Variants in GAS2 observed in about 807,000 individuals in gnomAD.
GAS2 encodes growth arrest-specific protein 2.
A neutral mutation model predicts 37.5 loss-of-function variants in GAS2; 20 were observed. That is an observed-to-expected ratio of 0.53 (90% confidence interval 0.37 to 0.77). The LOEUF is 0.77. GAS2 is among the 30% of genes least tolerant of loss of function. The probability of loss-of-function intolerance (pLI) is 0.00; values close to 1 mark genes in which losing one functional copy is unlikely to be tolerated. For missense variants in GAS2, 336 were observed against 373.4 expected, an observed-to-expected ratio of 0.90 and a Z score of 0.82; for synonymous variants, 144 against 132.2, an observed-to-expected ratio of 1.09 and a Z score of -0.61.
At chr11:22,769,087 G>T (rs930657737) in intron 7 of GAS2, among the ~76,000 whole-genome samples, 1 of 152,140 alleles carries the variant, frequency 6.6e-6, no homozygotes, top group Non-Finnish European at 1.5e-5. Context: ...AACTCATATG[G>T]CAGACAGTTT....
At chr11:22,653,312 T>C (rs1848818449) in intron 1 of GAS2, among the ~76,000 whole-genome samples, 1 of 152,180 alleles carries the variant, frequency 6.6e-6, no homozygotes, top group South Asian at 2.1e-4. Flanking sequence ...ACAAGAACTG[T>C]GCCTCAGGCA....
intron 7 of GAS2, among the ~76,000 whole-genome samples, chr11:22,772,521 G>A (rs911752399): frequency 5.9e-5 from 9 of 152,088 alleles, no homozygotes; most frequent in African/African-American, 2.2e-4. Flanking sequence ...AAAACCCTAG[G>A]AATAATTCTT....
At chr11:22,792,949 A>T (rs918351488) in intron 7 of GAS2, among the ~76,000 whole-genome samples, 3 of 152,188 alleles carry the variant, frequency 2.0e-5, no homozygotes, top group Non-Finnish European at 4.4e-5. Context: ...CATAACAAAG[A>T]TGATATGTAT....
intron 4 of GAS2, among the ~76,000 whole-genome samples, chr11:22,734,642 T>C (rs1852655930): frequency 6.6e-6 from 1 of 151,786 alleles, no homozygotes; most frequent in South Asian, 2.1e-4. Flanking sequence ...TTATTTTCTA[T>C]GTGCCAAGTA....
intron 1 of GAS2, among the ~76,000 whole-genome samples, chr11:22,655,538 A>G (rs1250776388): frequency 6.6e-6 from 1 of 152,276 alleles, no homozygotes; most frequent in East Asian, 1.9e-4. Flanking sequence ...GAAAAACAGA[A>G]CAAAAACAAA....
intron 3 of GAS2, among the ~76,000 whole-genome samples, chr11:22,693,881 A>C (rs1850370309): frequency 6.6e-6 from 1 of 152,178 alleles, no homozygotes; most frequent in South Asian, 2.1e-4. Context: ...GAATTGGGCA[A>C]TCAGAAAATT....
At chr11:22,684,703 T>G (rs2133938937) in intron 2 of GAS2, among the ~76,000 whole-genome samples, 1 of 152,294 alleles carries the variant, frequency 6.6e-6, no homozygotes, top group Middle Eastern at 3.4e-3. Flanking sequence ...TAGCTGGGAC[T>G]GCATGCAGGC....
intron 7 of GAS2, among the ~76,000 whole-genome samples, chr11:22,764,477 G>T (rs1854569263): frequency 6.6e-6 from 1 of 150,794 alleles, no homozygotes; most frequent in African/African-American, 2.4e-5. Flanking sequence ...GGAGAATGGC[G>T]TGAGCCCGGG....
chr11:22,762,056 C>T (rs1415267904), intron 7 of GAS2, among the ~76,000 whole-genome samples: 1 of 152,076 alleles, frequency 6.6e-6, no homozygotes, highest in African/African-American at 2.4e-5. Context: ...GCTAGGAGGT[C>T]ATAGAAACAT....
chr11:22,649,495 C>G (rs1193134466), intron 1 of GAS2, among the ~76,000 whole-genome samples: 3 of 151,346 alleles, frequency 2.0e-5, no homozygotes, highest in Non-Finnish European at 4.4e-5. Context: ...AGGAATGGTA[C>G]CAGTTCCTCC....
At chr11:22,744,688 A>C (rs977612094) in intron 5 of GAS2, among the ~76,000 whole-genome samples, 3 of 152,254 alleles carry the variant, frequency 2.0e-5, no homozygotes, top group African/African-American at 7.2e-5. Context: ...AACCACAGCC[A>C]ACATCATATT....
intron 7 of GAS2, among the ~76,000 whole-genome samples, chr11:22,777,168 AGTT>A (rs1165433656): frequency 6.6e-6 from 1 of 152,210 alleles, no homozygotes; most frequent in Non-Finnish European, 1.5e-5. Flanking sequence ...TGTGTACTGT[AGTT>A]GTTGTTAAAT....
intron 4 of GAS2, among the ~76,000 whole-genome samples, chr11:22,734,923 C>G (rs1590069615): frequency 6.6e-6 from 1 of 151,818 alleles, no homozygotes; most frequent in Non-Finnish European, 1.5e-5. Flanking sequence ...ATAGATACTA[C>G]ATACAGACAT....
intron 3 of GAS2, among the ~76,000 whole-genome samples, chr11:22,724,822 G>T (rs1852116908): frequency 6.6e-6 from 1 of 151,988 alleles, no homozygotes. Flanking sequence ...AATGTTTTAA[G>T]TTATTATGTA....
At chr11:22,783,256 A>G (rs967669512) in intron 7 of GAS2, among the ~76,000 whole-genome samples, 2 of 151,952 alleles carry the variant, frequency 1.3e-5, no homozygotes, top group African/African-American at 2.4e-5. Context: ...AGAGGTGTCT[A>G]TTCATGTCTT....
intron 7 of GAS2, among the ~76,000 whole-genome samples, chr11:22,767,849 T>C (rs1854773563): frequency 6.6e-6 from 1 of 152,222 alleles, no homozygotes; most frequent in Admixed American, 6.5e-5. Flanking sequence ...TTTAGTGCTA[T>C]CTTTTTCATA....
chr11:22,716,066 A>T (rs1295955563), intron 3 of GAS2, among the ~76,000 whole-genome samples: 1 of 151,862 alleles, frequency 6.6e-6, no homozygotes, highest in Admixed American at 6.6e-5. Context: ...GACACACCAC[A>T]TAAACAGAAG....
chr11:22,696,731 TA>T (rs1420829581), intron 3 of GAS2, among the ~76,000 whole-genome samples: 1 of 151,944 alleles, frequency 6.6e-6, no homozygotes, highest in Non-Finnish European at 1.5e-5. Flanking sequence ...TTTGGCTGCA[TA>T]AATGTCTTCT....
In GAS2 at chr11:22,646,737, T is replaced by A. The variant is rs76327370; in HGVS notation, c.-21+20924T>A. On this transcript the variant is annotated intron_variant, in intron 1 of 5. Transcript: ENST00000528582. ...TTAATCCAGAAAGCAAAAACCTACTTCATACACCATCCACGGTAAATGGCC... is the reference window on the plus strand; with the variant it reads ...TTAATCCAGAAAGCAAAAACCTACTACATACACCATCCACGGTAAATGGCC... 3.3e-3 allele frequency among the ~76,000 whole-genome samples: 503 copies of A among 152,298 alleles called. 3 individuals carry two copies. The highest frequency in any genetic ancestry group is 5.1e-3 in the Non-Finnish European group (347 of 68,024).
Sources: gnomAD v4.1 joint callset for allele counts (sites outside exome capture counted in the v4.1 genomes callset) on GRCh38, gnomAD v4.1.1 for gene constraint, MANE v1.5 for transcripts, NCBI Gene and HGNC (gene_info 2026-07-23, HGNC 2026-07-21) for gene names.